Variants in GLI2 observed in about 807,000 individuals in gnomAD.
The protein encoded by GLI2 is transcription activator GLI2.
In GLI2, 22 loss-of-function variants were observed where a neutral mutation model predicts 78.9. The observed-to-expected ratio is 0.28, with a 90% CI of 0.20 to 0.40. The LOEUF (loss-of-function observed/expected upper bound fraction) is 0.40, where lower values mean the gene tolerates loss of function less well. Among genes scored for constraint, GLI2 ranks in the 10% least tolerant of loss-of-function variants. The pLI is 1.00. For missense variants in GLI2, 2,097 were observed against 2,213.2 expected (o/e 0.95, Z 1.05); for synonymous variants, 974 against 963.7 (o/e 1.01, Z -0.20).
chr2:120,802,178 A>G (rs566374499), intron 2 of GLI2, among the ~76,000 whole-genome samples: 1 of 152,202 alleles, frequency 6.6e-6, no homozygotes, highest in Non-Finnish European at 1.5e-5. Context: ...CTAGGAGTCC[A>G]TGAGGTCGGA....
chr2:120,978,794 T>C (rs894532052), intron 10 of GLI2, among the ~76,000 whole-genome samples: 7 of 152,090 alleles, frequency 4.6e-5, no homozygotes, highest in Admixed American at 3.9e-4. Context: ...ATGGACTTGC[T>C]CTCTGGGTGT....
chr2:120,837,397 A>C (rs1573456759), intron 2 of GLI2, among the ~76,000 whole-genome samples: 1 of 137,222 alleles, frequency 7.3e-6, no homozygotes. Context: ...CCATCTCAAA[A>C]AAAAAAAAAA....
At chr2:120,887,123 T>C (rs1046212793) in intron 2 of GLI2, among the ~76,000 whole-genome samples, 2 of 152,174 alleles carry the variant, frequency 1.3e-5, no homozygotes, top group African/African-American at 4.8e-5. Context: ...TCAATGCCTG[T>C]GGTCCTTGAA....
chr2:120,913,461 G>T (rs1678934573), intron 2 of GLI2, among the ~76,000 whole-genome samples: 1 of 151,934 alleles, frequency 6.6e-6, no homozygotes, highest in South Asian at 2.1e-4. Context: ...TTTCTTTTTA[G>T]TTTTTTTTAA....
At chr2:120,949,518 G>A (rs1680877671) in intron 3 of GLI2, among the ~76,000 whole-genome samples, 1 of 152,266 alleles carries the variant, frequency 6.6e-6, no homozygotes, top group African/African-American at 2.4e-5. Flanking sequence ...GCCTGGAACA[G>A]TGCACCCTTG....
chr2:120,890,582 A>C (rs181212489), intron 2 of GLI2, among the ~76,000 whole-genome samples: 6 of 152,338 alleles, frequency 3.9e-5, no homozygotes, highest in Admixed American at 3.3e-4. Flanking sequence ...CTGATATTGC[A>C]CTGTAGCTTT....
Position 120,896,566 on chromosome 2 carries a change from A to C in GLI2, c.149-30795A>C, listed in dbSNP as rs143434988. 6.3e-3 allele frequency among the ~76,000 whole-genome samples: 959 copies of C among 152,152 alleles called. 11 individuals are homozygous for C. Among genetic ancestry groups the C allele is most frequent in the African/African-American group, 0.022 (907 of 41,508 alleles). On this transcript the variant is annotated intron_variant, in intron 2 of 13. Coordinates refer to ENST00000361492, the MANE Select transcript of GLI2 (RefSeq NM_001374353.1). ...AGCAGTAAAAATTTTAGCACCACCA[A>C]CAACTGGCATTTTGTTTTGAAGGTG... is the stretch of plus-strand genomic sequence containing the variant.
rs529690795 is a variant in GLI2 at position 120,864,609 on chromosome 2, C to T, written c.149-62752C>T. Among the ~76,000 whole-genome samples the T allele has an allele frequency of 3.3e-3, 497 of 152,336 alleles. 1 individual carries two copies. Among genetic ancestry groups the T allele is most frequent in the Non-Finnish European group, 5.6e-3 (384 of 68,030 alleles). On this transcript the variant is annotated intron_variant, in intron 2 of 13. Transcript: ENST00000361492. ...GCCTCAGCCTCCCAAGTAGCTGAAA[C>T]TACAGGTGCCCACCACCACACCCAG...
chr2:120,795,644 C>G (rs1452380560), intron 1 of GLI2, among the ~76,000 whole-genome samples: 1 of 152,092 alleles, frequency 6.6e-6, no homozygotes, highest in African/African-American at 2.4e-5. Flanking sequence ...CACTGCGACC[C>G]CCGTCCCCAC....
chr2:120,784,649 T>G (rs539327052), intron 1 of GLI2, among the ~76,000 whole-genome samples: 1 of 152,184 alleles, frequency 6.6e-6, no homozygotes, highest in South Asian at 2.1e-4. Flanking sequence ...AGCTACAGGC[T>G]TCCATGCTTG....
chr2:120,893,070 G>A (rs778569487), intron 2 of GLI2, among the ~76,000 whole-genome samples: 7 of 152,200 alleles, frequency 4.6e-5, no homozygotes, highest in Non-Finnish European at 7.3e-5. Flanking sequence ...TGCCCCCAGC[G>A]TGCATAGTTA....
At chr2:120,899,235 A>G (rs1316542509) in intron 2 of GLI2, among the ~76,000 whole-genome samples, 1 of 152,026 alleles carries the variant, frequency 6.6e-6, no homozygotes, top group African/African-American at 2.4e-5. Context: ...TGTGTTTTAC[A>G]AGCAGGCGTC....
chr2:120,883,692 C>T (rs916666242), intron 2 of GLI2, among the ~76,000 whole-genome samples: 2 of 152,216 alleles, frequency 1.3e-5, no homozygotes, highest in African/African-American at 4.8e-5. Flanking sequence ...TAATCATTCA[C>T]TGTGGTCACA....
At chr2:120,939,475 C>T (rs1037384075) in intron 3 of GLI2, among the ~76,000 whole-genome samples, 3 of 152,184 alleles carry the variant, frequency 2.0e-5, no homozygotes, top group Non-Finnish European at 2.9e-5. Flanking sequence ...CCCCTCACAT[C>T]TTATGACGGT....
rs1681931290 is a variant in GLI2, at chr2:120,967,814, G to A, written c.644-900G>A. On this transcript the variant is annotated intron_variant, in intron 5 of 13. Coordinates refer to ENST00000361492, the MANE Select transcript of GLI2 (RefSeq NM_001374353.1). ...GGCGACTTTAGAACTGAGGACCTCA[G>A]TACGCAGAAGCACCTGCCTGTGTCA... Among the ~76,000 whole-genome samples, 4 of 152,250 alleles carry A rather than the reference G, an allele frequency of 2.6e-5. 1 individual carries two copies. In the South Asian group the frequency reaches 8.3e-4, roughly 32 times the overall value.
intron 2 of GLI2, among the ~76,000 whole-genome samples, chr2:120,808,764 A>G (rs1685079831): frequency 6.6e-6 from 1 of 152,202 alleles, no homozygotes; most frequent in Admixed American, 6.5e-5. Context: ...TGGGGGTGAC[A>G]AGGCTCCCCT....
chr2:120,968,952 A>T (rs1161823777), intron 6 of GLI2, 37 bp downstream of exon 6: 7 of 1,549,414 alleles, frequency 4.5e-6, no homozygotes, highest in Non-Finnish European at 6.2e-6. Context: ...TGAGGACCAG[A>T]GCTGGGCTGA....
chr2:120,753,497 T>C lies in GLI2; in HGVS notation c.-31+17212T>C, dbSNP rs1381167766. On this transcript the variant is annotated intron_variant, in intron 1 of 13. Transcript: ENST00000361492. ...TAATATTAAATATTTAAATACTTTA[T>C]TTTATGTTGTATTTTCCTGTGTGTT... Among the ~76,000 whole-genome samples the C allele has an allele frequency of 3.3e-5, 5 of 152,256 alleles. 1 individual carries two copies. The East Asian group carries it at 9.6e-4, about 29-fold the overall frequency.
chr2:120,898,799 C>T (rs1048313926), intron 2 of GLI2, among the ~76,000 whole-genome samples: 9 of 152,072 alleles, frequency 5.9e-5, no homozygotes, highest in African/African-American at 1.9e-4. Context: ...AGAGGTGAAG[C>T]GACTTGTCCA....
Sources: allele counts gnomAD v4.1 joint callset (sites outside exome capture counted in the v4.1 genomes callset), GRCh38; gene constraint gnomAD v4.1.1; transcripts MANE v1.5; gene names NCBI Gene and HGNC (gene_info 2026-07-23, HGNC 2026-07-21).